CAMK1: variants seen among roughly 807,000 people sequenced by gnomAD.
The protein encoded by CAMK1 is calcium/calmodulin-dependent protein kinase type 1.
In CAMK1, 39 loss-of-function variants were observed where a neutral mutation model predicts 49.1. The observed-to-expected ratio is 0.79, with a 90% CI of 0.62 to 1.04. The LOEUF (loss-of-function observed/expected upper bound fraction) is 1.04, where lower values mean the gene tolerates loss of function less well. Among genes scored for constraint, CAMK1 ranks in the 50% least tolerant of loss-of-function variants. The pLI is 0.00. For synonymous variants in CAMK1, 192 were observed against 185.2 expected, an observed-to-expected ratio of 1.04 and a Z score of -0.30; for missense variants, 457 against 472.2, an observed-to-expected ratio of 0.97 and a Z score of 0.30.
intron 2 of CAMK1, among the ~76,000 whole-genome samples, chr3:9,767,302 T>G (rs990017098): frequency 3.3e-5 from 5 of 152,126 alleles, no homozygotes; most frequent in Non-Finnish European, 7.3e-5. Flanking sequence ...TGGGATCAAC[T>G]TGAAGGGCAG....
chr3:9,761,877 T>C (rs1356170926), intron 5 of CAMK1, 120 bp from the exon 6 acceptor site: 14 of 1,435,394 alleles, frequency 9.8e-6, no homozygotes, highest in South Asian at 1.4e-5. Context: ...TGTGGCTTCA[T>C]GGCTGTCATA....
chr3:9,759,812 G>C lies in CAMK1; in HGVS notation c.746-62C>G, dbSNP rs747857371. 15 of 1,613,242 alleles carry C rather than the reference G, an allele frequency of 9.3e-6. No individual in the cohort carries two copies. The Admixed American group carries it at 2.2e-4, about 23-fold the overall frequency. ...ATGGTACTGCCTGTGTACTCCCCAA[G>C]AGCATACCCACTCCCTCAGGTCTGG... is the stretch of plus-strand genomic sequence containing the variant. On this transcript the variant is annotated intron_variant, in intron 8 of 11. Transcript: ENST00000256460.
intron 2 of CAMK1, 104 bp from the exon 3 acceptor site, chr3:9,765,994 C>T (rs1477456584): frequency 5.6e-6 from 9 of 1,614,100 alleles, no homozygotes; most frequent in Admixed American, 3.3e-5. Context: ...GGACCAAGGA[C>T]GTGGATGACC....
chr3:9,769,553 A>C lies in CAMK1; in HGVS notation c.-33+279T>G, dbSNP rs73113552. Among the ~76,000 whole-genome samples the C allele has an allele frequency of 5.6e-4, 85 of 151,534 alleles. 5 individuals carry two copies. Among genetic ancestry groups the C allele is most frequent in the Non-Finnish European group, 1.5e-5 (1 of 67,832 alleles). On this transcript the variant is annotated intron_variant, in intron 1 of 11. Transcript: ENST00000256460. Reference sequence around the variant, plus strand: ...TACACTCCGCAAGCCCCCCCACCCCATGGATACCTCCAAATGCCCACGCCC... The same window carrying C: ...TACACTCCGCAAGCCCCCCCACCCCCTGGATACCTCCAAATGCCCACGCCC...
rs1314678775 is a variant in CAMK1, at chr3:9,759,590, T to A, written c.825-15A>T. 1.2e-6 allele frequency: 2 copies of A among 1,614,186 alleles called. No homozygotes were observed. The highest frequency in any genetic ancestry group is 1.7e-6 in the Non-Finnish European group (2 of 1,180,020). Reference sequence around the variant, plus strand: ...CTCCTGCAATCCTAGGATGGGGTTATGTGGTGGGTTGCCTATGAGGGCAGA... The same window carrying A: ...CTCCTGCAATCCTAGGATGGGGTTAAGTGGTGGGTTGCCTATGAGGGCAGA... On this transcript the variant is annotated splice_polypyrimidine_tract_variant and intron_variant, in intron 9 of 11. Transcript: ENST00000256460.
chr3:9,764,645 T>G (rs1575252319), intron 3 of CAMK1, among the ~76,000 whole-genome samples: 1 of 105,556 alleles, frequency 9.5e-6, no homozygotes, highest in Non-Finnish European at 2.0e-5. Context: ...TTTTTTTTTT[T>G]GAGATGGAGT....
At chr3:9,759,065 T>A in intron 10 of CAMK1, 1 of 816,800 alleles carries the variant, frequency 1.2e-6, no homozygotes, top group East Asian at 2.4e-5. Flanking sequence ...CTTCTCTAAA[T>A]TGGGCTCCTG....
At position 9,757,988 on chromosome 3, in the gene CAMK1, CAA is replaced by C; in HGVS notation, c.913-144_913-143del. ...TTTTATTAATTCCCCTAAAGCCCCCCAAAAACCTCTACAAGGCTTTATTATAT... is the reference window on the plus strand; with the variant it reads ...TTTTATTAATTCCCCTAAAGCCCCCCAAACCTCTACAAGGCTTTATTATAT... On this transcript the variant is annotated intron_variant, in intron 10 of 11. Coordinates refer to ENST00000256460, the MANE Select transcript of CAMK1 (RefSeq NM_003656.5). This position sits in a 1 kb window ranked among gnomAD's most constrained non-coding sequence, Gnocchi z 4.5. 1 of 1,385,248 alleles carries C rather than the reference CAA, an allele frequency of 7.2e-7. No individual in the cohort carries two copies. 85.8% of individuals were successfully genotyped at this position (1,385,248 alleles called of 1,614,324 possible). A position where few individuals can be genotyped will look rare whatever the true frequency, so the allele number is the denominator to read the frequency against.
At chr3:9,765,282 G>T (rs2078101839) in intron 3 of CAMK1, among the ~76,000 whole-genome samples, 1 of 152,042 alleles carries the variant, frequency 6.6e-6, no homozygotes, top group Non-Finnish European at 1.5e-5. Context: ...GGGAGAGATT[G>T]GAAGTGATTC....
Position 9,757,579 on chromosome 3 carries a change from G to A in CAMK1, c.1073C>T (p.Pro358Leu), listed in dbSNP as rs757567412. The A allele has an allele frequency of 1.7e-5, 28 of 1,613,986 alleles. No homozygotes were observed. The highest frequency in any genetic ancestry group is 1.6e-4 in the Middle Eastern group (1 of 6,080). Residue 358 changes from proline (P) to leucine (L), a missense_variant, in exon 12 of 12, where the codon CCG (proline) becomes CTG (leucine). Physicochemically the swap from Pro to Leu is moderately conservative, Grantham distance 98. Coordinates refer to ENST00000256460, the MANE Select transcript of CAMK1 (RefSeq NM_003656.5). This position sits in a 1 kb window ranked among gnomAD's most constrained non-coding sequence, Gnocchi z 4.5. ...GCCCRDCCVEPGTELSPTLPH... is the reference protein window; with the variant it reads ...GCCCRDCCVELGTELSPTLPH... ...CAGTGTGGGGGACAGTTCTGTGCCC[G>A]GCTCCACGCAGCAGTCTCGACAGCA...
chr3:9,760,609 A>G (rs1279172100), intron 8 of CAMK1, 47 bp downstream of exon 8: 1 of 1,599,196 alleles, frequency 6.3e-7, no homozygotes, highest in Non-Finnish European at 8.6e-7. Context: ...CAGGTGAGGG[A>G]GGAACCAGAG....
chr3:9,759,624 T>C, intron 9 of CAMK1, 48 bp downstream of exon 9: 1 of 1,614,094 alleles, frequency 6.2e-7, no homozygotes, highest in Non-Finnish European at 8.5e-7. Flanking sequence ...GAAGCAGACC[T>C]GAGGGCCCCA....
chr3:9,760,664 G>C lies in CAMK1; in HGVS notation c.737C>G (p.Ser246Cys). The C allele has an allele frequency of 1.2e-6, 2 of 1,613,964 alleles. No individual in the cohort carries two copies. The highest frequency in any genetic ancestry group is 1.7e-6 in the Non-Finnish European group (2 of 1,179,930). The stretch of plus-strand genomic sequence containing the variant: ...AGCAAAGCCCCAAATACCAGAGTCA[G>C]AGATGTCGTCCCAGTAAGGAGAGTC... Reference protein sequence around the residue: ...EFDSPYWDDISDSAKDFIRHL... With the variant: ...EFDSPYWDDICDSAKDFIRHL... The change falls in exon 8 of 12, where the codon TCT becomes TGT. Residue 246 changes from serine (S) to cysteine (C), a missense_variant. Physicochemically the swap from Ser to Cys is moderately radical, Grantham distance 112. Transcript: ENST00000256460.
intron 3 of CAMK1, 182 bp from the exon 4 acceptor site, chr3:9,763,395 C>T (rs2125584557): frequency 5.1e-6 from 1 of 196,208 alleles, no homozygotes; most frequent in South Asian, 1.8e-4. Flanking sequence ...CAGAGTAAGA[C>T]CCTGTCTCAA....
intron 1 of CAMK1, among the ~76,000 whole-genome samples, chr3:9,769,464 C>CA (rs1293810688): frequency 2.6e-5 from 4 of 152,076 alleles, no homozygotes; most frequent in African/African-American, 9.7e-5. Context: ...CCCTCTGGAA[C>CA]AAAAAACACA....
At chr3:9,766,268 A>AT in intron 2 of CAMK1, 1 of 704,642 alleles carries the variant, frequency 1.4e-6, no homozygotes, top group Non-Finnish European at 2.6e-6. Flanking sequence ...ATGGCCAAAT[A>AT]TATTTCCTGA....
Position 9,759,736 on chromosome 3 carries a change from G to T in CAMK1, c.760C>A (p.Arg254=). 2 of 1,614,042 alleles carry T rather than the reference G, an allele frequency of 1.2e-6. No individual in the cohort carries two copies. Among genetic ancestry groups the T allele is most frequent in the Non-Finnish European group, 1.7e-6 (2 of 1,180,010 alleles). Residue 254 remains arginine (R), a synonymous_variant, in exon 9 of 12, where the codon CGG becomes AGG. Coordinates refer to ENST00000256460, the MANE Select transcript of CAMK1 (RefSeq NM_003656.5). ...TCTGGGTCCTTCTCCATCAAGTGCC[G>T]GATGAAATCTTTGGCTAAACCCCCA... ...DISDSAKDFI[R]HLMEKDPEKR...
intron 2 of CAMK1, chr3:9,766,459 C>G: frequency 4.8e-6 from 2 of 412,496 alleles, no homozygotes; most frequent in Admixed American, 3.7e-5. Context: ...TGCAAAATCT[C>G]TACTGCTTTG....
At chr3:9,766,453 A>G in intron 2 of CAMK1, 1 of 425,144 alleles carries the variant, frequency 2.4e-6, no homozygotes, top group South Asian at 2.1e-5. Flanking sequence ...TAGAAATGCA[A>G]AATCTCTACT....
Sources: allele counts gnomAD v4.1 joint callset (sites outside exome capture counted in the v4.1 genomes callset), GRCh38; gene constraint gnomAD v4.1.1; non-coding constraint Gnocchi (gnomAD v3.1); transcripts MANE v1.5; gene names NCBI Gene and HGNC (gene_info 2026-07-23, HGNC 2026-07-21).